The following PDZRN4 variants were observed in gnomAD, a reference collection of about 807,000 sequenced individuals.
The protein encoded by PDZRN4 is PDZ domain containing ring finger 4.
In PDZRN4, 70 loss-of-function variants were observed where a neutral mutation model predicts 99.0. The ratio of observed to expected loss-of-function variants is 0.71; its 90% CI spans 0.58 to 0.86. PDZRN4 has a LOEUF of 0.86. PDZRN4 is among the 40% of genes least tolerant of loss of function. The pLI is 0.00. For synonymous variants in PDZRN4, 551 were observed against 501.6 expected, an observed-to-expected ratio of 1.10 and a Z score of -1.32; for missense variants, 1,474 against 1,331.2, an observed-to-expected ratio of 1.11 and a Z score of -1.67.
intron 3 of PDZRN4, among the ~76,000 whole-genome samples, chr12:41,421,564 T>G (rs1189009467): frequency 6.6e-6 from 1 of 152,178 alleles, no homozygotes; most frequent in Non-Finnish European, 1.5e-5. Context: ...ATGGAAACCT[T>G]TAGTAGCTCT....
chr12:41,321,993 A>T (rs1409840374), intron 3 of PDZRN4, among the ~76,000 whole-genome samples: 1 of 152,022 alleles, frequency 6.6e-6, no homozygotes, highest in East Asian at 1.9e-4. Flanking sequence ...TTCTTAACAC[A>T]CCTCTGGGCT....
At chr12:41,571,280 T>A (rs1425364442) in intron 9 of PDZRN4, among the ~76,000 whole-genome samples, 1 of 151,392 alleles carries the variant, frequency 6.6e-6, no homozygotes, top group Non-Finnish European at 1.5e-5. Context: ...TACACATGCA[T>A]CTTATTAGGA....
chr12:41,202,069 A>C (rs930906595), intron 3 of PDZRN4, among the ~76,000 whole-genome samples: 14 of 152,148 alleles, frequency 9.2e-5, no homozygotes, highest in African/African-American at 3.4e-4. Context: ...TTGAACAAAA[A>C]CATGATTGAT....
intron 3 of PDZRN4, among the ~76,000 whole-genome samples, chr12:41,311,874 A>G (rs1951609194): frequency 1.3e-5 from 2 of 152,232 alleles, no homozygotes; most frequent in Non-Finnish European, 2.9e-5. Context: ...GCTTAGCTTT[A>G]TAAAAAGTTA....
intron 5 of PDZRN4, among the ~76,000 whole-genome samples, chr12:41,533,263 C>G (rs1227343256): frequency 2.6e-5 from 4 of 152,052 alleles, no homozygotes; most frequent in South Asian, 2.1e-4. Context: ...CAACCTCCCC[C>G]TCCCGGATTC....
At chr12:41,496,627 C>A in intron 3 of PDZRN4, among the ~76,000 whole-genome samples, 1 of 152,112 alleles carries the variant, frequency 6.6e-6, no homozygotes, top group African/African-American at 2.4e-5. Flanking sequence ...ATCATTTGTA[C>A]AATACATTTA....
Position 41,397,711 on chromosome 12 carries a change from C to T in PDZRN4, c.844-108745C>T, listed in dbSNP as rs76385336. Among the ~76,000 whole-genome samples the T allele has an allele frequency of 4.4e-3, 668 of 152,238 alleles. 5 individuals are homozygous for T. The highest frequency in any genetic ancestry group is 0.014 in the African/African-American group (588 of 41,536). ...TACTCTTACCCTTACAAATCAAGAA[C>T]AACTCTAGTTAATGGATGTTTTAAA... On this transcript the variant is annotated intron_variant, in intron 3 of 9. Transcript: ENST00000402685.
intron 3 of PDZRN4, among the ~76,000 whole-genome samples, chr12:41,272,216 A>G (rs965516308): frequency 2.6e-5 from 4 of 152,092 alleles, no homozygotes; most frequent in Admixed American, 2.0e-4. Flanking sequence ...AAAATTCATA[A>G]ATAAATAACC....
chr12:41,297,223 A>G (rs1353520838), intron 3 of PDZRN4, among the ~76,000 whole-genome samples: 2 of 152,182 alleles, frequency 1.3e-5, no homozygotes. Context: ...AAACCAAAAT[A>G]TATCATACTT....
intron 3 of PDZRN4, among the ~76,000 whole-genome samples, chr12:41,368,084 T>C (rs1952015001): frequency 6.6e-6 from 1 of 152,056 alleles, no homozygotes; most frequent in South Asian, 2.1e-4. Flanking sequence ...TTGTCTCTTC[T>C]TGGTCAAAAA....
At chr12:41,456,003 G>A (rs778479000) in intron 3 of PDZRN4, among the ~76,000 whole-genome samples, 10 of 152,130 alleles carry the variant, frequency 6.6e-5, no homozygotes, top group Non-Finnish European at 8.8e-5. Flanking sequence ...TCTTTCATCT[G>A]TATTTCTTTC....
chr12:41,191,513 G>C lies in PDZRN4; in HGVS notation c.704G>C (p.Gly235Ala). Residue 235 changes from glycine (G) to alanine (A), a missense_variant, in exon 2 of 10, where the codon GGA becomes GCA. By Grantham distance (60) the Gly-to-Ala change is moderately conservative (BLOSUM62 0). Transcript: ENST00000402685. ...IVLERENDTL[G>A]FNIIGGRPNQ... The stretch of plus-strand genomic sequence containing the variant: ...TTAGAAAGAGAAAATGACACTTTGG[G>C]ATTCAATATTATAGGAGGTCGACCA... 6.4e-7 allele frequency: 1 copy of C among 1,569,974 alleles called. No individual in the cohort carries two copies. The highest frequency in any genetic ancestry group is 8.7e-7 in the Non-Finnish European group (1 of 1,153,946).
Position 41,345,433 on chromosome 12 carries a change from A to G in PDZRN4, c.843+151245A>G, listed in dbSNP as rs377040402. On this transcript the variant is annotated intron_variant, in intron 3 of 9. Coordinates refer to ENST00000402685, the MANE Select transcript of PDZRN4 (RefSeq NM_001164595.2). ...TAAAACCTTCAGTGAGAATGAACTA[A>G]GGCATCAGGAGGAGGAAATTGACAA... 6.4e-4 allele frequency among the ~76,000 whole-genome samples: 97 copies of G among 152,272 alleles called. 1 individual carries two copies. Among genetic ancestry groups the G allele is most frequent in the African/African-American group, 2.3e-3 (96 of 41,562 alleles).
chr12:41,478,379 G>T (rs527246916), intron 3 of PDZRN4, among the ~76,000 whole-genome samples: 4 of 152,170 alleles, frequency 2.6e-5, no homozygotes, highest in Non-Finnish European at 5.9e-5. Context: ...GCCTCCCAAA[G>T]TGCTGGAATT....
At chr12:41,274,660 A>G (rs1468700828) in intron 3 of PDZRN4, among the ~76,000 whole-genome samples, 2 of 152,140 alleles carry the variant, frequency 1.3e-5, no homozygotes, top group African/African-American at 4.8e-5. Flanking sequence ...TGGAGAGCAG[A>G]TCTCCCAAGA....
At chr12:41,217,981 A>G (rs1950932150) in intron 3 of PDZRN4, among the ~76,000 whole-genome samples, 1 of 152,158 alleles carries the variant, frequency 6.6e-6, no homozygotes, top group South Asian at 2.1e-4. Flanking sequence ...TACAAGTCAG[A>G]TAGCAGAAGG....
At chr12:41,313,104 A>G (rs1951617612) in intron 3 of PDZRN4, among the ~76,000 whole-genome samples, 2 of 152,156 alleles carry the variant, frequency 1.3e-5, no homozygotes, top group African/African-American at 2.4e-5. Context: ...CTTCCAAACC[A>G]GAAATACAAA....
chr12:41,284,469 C>T (rs1951409509), intron 3 of PDZRN4, among the ~76,000 whole-genome samples: 1 of 152,100 alleles, frequency 6.6e-6, no homozygotes, highest in Non-Finnish European at 1.5e-5. Context: ...TTCCAACAAG[C>T]TATTATTGAC....
intron 3 of PDZRN4, among the ~76,000 whole-genome samples, chr12:41,425,780 G>A (rs1952530797): frequency 1.3e-5 from 2 of 152,108 alleles, no homozygotes; most frequent in Admixed American, 1.3e-4. Context: ...TTTTTAATGG[G>A]TCTTCTTTAA....
Sources: gnomAD v4.1 joint callset for allele counts (sites outside exome capture counted in the v4.1 genomes callset) on GRCh38, gnomAD v4.1.1 for gene constraint, MANE v1.5 for transcripts, NCBI Gene and HGNC (gene_info 2026-07-23, HGNC 2026-07-21) for gene names.